DDHD1: variants seen among roughly 807,000 people sequenced by gnomAD.
DDHD1 encodes DDHD domain containing 1, also known as phospholipase DDHD1.
In DDHD1, 49 loss-of-function variants were observed where a neutral mutation model predicts 96.4. The observed-to-expected ratio is 0.51, with a 90% CI of 0.40 to 0.64. DDHD1 has a LOEUF of 0.64. Ranked by LOEUF, DDHD1 falls within the 30% of genes least tolerant of loss-of-function variation. DDHD1 has a pLI of 0.00. For synonymous variants in DDHD1, 442 were observed against 446.5 expected (o/e 0.99, Z 0.13); for missense variants, 1,106 against 1,161.2 (o/e 0.95, Z 0.69).
intron 1 of DDHD1, among the ~76,000 whole-genome samples, chr14:53,117,559 G>T (rs965572523): frequency 6.6e-5 from 10 of 152,166 alleles, no homozygotes; most frequent in Admixed American, 5.2e-4. Flanking sequence ...AACAGTCTGA[G>T]ATCAACCTTT....
In DDHD1 at chr14:53,152,838, C is replaced by G. The variant is rs759583953; in HGVS notation, c.261G>C (p.Glu87Asp). 1 of 1,612,154 alleles carries G rather than the reference C, an allele frequency of 6.2e-7. No homozygotes were observed. Among genetic ancestry groups the G allele is most frequent in the Non-Finnish European group, 8.5e-7 (1 of 1,179,428 alleles). Reference sequence around the variant, plus strand: ...ACTCGGCGGAGCTGAAGTCATAGTTCTCGTCACTGAGGCAGGGGTCCAGCG... The same window carrying G: ...ACTCGGCGGAGCTGAAGTCATAGTTGTCGTCACTGAGGCAGGGGTCCAGCG... ...HLALDPCLSDENYDFSSAESG... is the reference protein window; with the variant it reads ...HLALDPCLSDDNYDFSSAESG... Residue 87 changes from glutamate to aspartate, a missense_variant, in exon 1 of 13, where the codon GAG (glutamate) becomes GAC (aspartate). Physicochemically the swap from Glu to Asp is conservative, Grantham distance 45. This residue lies in a region of DDHD1 where 456 missense variants were observed against 402.4 expected (regional missense o/e 1.13). Coordinates refer to ENST00000673822, the MANE Select transcript of DDHD1 (RefSeq NM_001160148.2).
chr14:53,127,005 CAG>C (rs1165224904), intron 1 of DDHD1, among the ~76,000 whole-genome samples: 3 of 151,780 alleles, frequency 2.0e-5, no homozygotes, highest in Admixed American at 6.6e-5. Flanking sequence ...TAAAAAAGAA[CAG>C]AGAAAAAGGA....
rs144164403 is a variant in DDHD1 at position 53,056,057 on chromosome 14, T to C, written c.1993-145A>G. 6.1e-5 allele frequency: 43 copies of C among 700,306 alleles called. No individual in the cohort carries two copies. In the African/African-American group the frequency reaches 7.4e-4, roughly 12 times the overall value. 43.4% of individuals were successfully genotyped at this position (700,306 alleles called of 1,614,324 possible). ...AAACAATAGCTATTTCAAACATGTA[T>C]TTCTATTTGTTCACTGTTAATATGC... On this transcript the variant is annotated intron_variant, in intron 9 of 12. Transcript: ENST00000673822.
chr14:53,125,056 G>A (rs1239790809), intron 1 of DDHD1, among the ~76,000 whole-genome samples: 1 of 152,034 alleles, frequency 6.6e-6, no homozygotes, highest in Non-Finnish European at 1.5e-5. Flanking sequence ...ACTGGATTAG[G>A]GAAGTTTAGG....
chr14:53,105,561 T>C (rs1213014503), intron 1 of DDHD1, among the ~76,000 whole-genome samples: 1 of 152,186 alleles, frequency 6.6e-6, no homozygotes, highest in Non-Finnish European at 1.5e-5. Flanking sequence ...TCATACTGAA[T>C]AGTTTTTGCC....
At chr14:53,068,265 A>C (rs1348814110) in intron 6 of DDHD1, among the ~76,000 whole-genome samples, 2 of 9,326 alleles carry the variant, frequency 2.1e-4, no homozygotes, top group Non-Finnish European at 4.9e-4. Flanking sequence ...TTTTTTTGAG[A>C]TGGGGTCTTG....
intron 1 of DDHD1, among the ~76,000 whole-genome samples, chr14:53,135,721 G>A (rs1890185063): frequency 6.6e-6 from 1 of 152,230 alleles, no homozygotes; most frequent in African/African-American, 2.4e-5. Context: ...GAGTAAATCA[G>A]TTAAACTGGA....
chr14:53,101,821 A>G (rs1017108763), intron 2 of DDHD1, among the ~76,000 whole-genome samples: 5 of 152,064 alleles, frequency 3.3e-5, no homozygotes, highest in African/African-American at 1.2e-4. Flanking sequence ...ATTAAATTCT[A>G]ATTTTTATTG....
intron 1 of DDHD1, among the ~76,000 whole-genome samples, chr14:53,127,254 G>C (rs893317207): frequency 2.0e-5 from 3 of 152,186 alleles, no homozygotes; most frequent in Non-Finnish European, 4.4e-5. Flanking sequence ...GGCAACCTAA[G>C]CTTCATTATC....
chr14:53,134,416 TACTC>T (rs1419826624), intron 1 of DDHD1, among the ~76,000 whole-genome samples: 2 of 152,046 alleles, frequency 1.3e-5, no homozygotes, highest in Non-Finnish European at 2.9e-5. Flanking sequence ...TTTACTTTTA[TACTC>T]ACTCTTATTT....
At chr14:53,049,519 GAGATC>G (rs1411740645) in intron 12 of DDHD1, among the ~76,000 whole-genome samples, 2 of 152,088 alleles carry the variant, frequency 1.3e-5, no homozygotes. Flanking sequence ...TATGTGCTGT[GAGATC>G]AGCTCTTGGC....
intron 6 of DDHD1, among the ~76,000 whole-genome samples, chr14:53,066,278 A>T (rs1334119376): frequency 6.6e-6 from 1 of 152,056 alleles, no homozygotes; most frequent in African/African-American, 2.4e-5. Context: ...CAGCCTCCTG[A>T]GTAGCTGGGA....
chr14:53,145,831 T>C (rs1011559446), intron 1 of DDHD1, among the ~76,000 whole-genome samples: 1 of 152,228 alleles, frequency 6.6e-6, no homozygotes, highest in Non-Finnish European at 1.5e-5. Flanking sequence ...CCCCCAGCAG[T>C]CATTGAAGAG....
chr14:53,102,661 AAG>A (rs10532921), intron 2 of DDHD1, among the ~76,000 whole-genome samples: 111,689 of 151,776 alleles, frequency 0.74, 43,732 homozygotes, highest in East Asian at 0.96. Context: ...TCAGAGAGGT[AAG>A]AGAGAGCAAA....
chr14:53,146,805 C>CTACA, intron 1 of DDHD1, among the ~76,000 whole-genome samples: 2 of 152,212 alleles, frequency 1.3e-5, no homozygotes, highest in Middle Eastern at 3.4e-3. Flanking sequence ...AAGAGTAGAA[C>CTACA]TGTAGATTAT....
At chr14:53,093,202 AAATTT>A (rs1246663094) in intron 3 of DDHD1, 109 bp downstream of exon 3, 2 of 1,103,050 alleles carry the variant, frequency 1.8e-6, no homozygotes, top group East Asian at 6.1e-5. Flanking sequence ...ATCTGTCACT[AAATTT>A]AATATACTTA....
chr14:53,119,341 C>G (rs979273725), intron 1 of DDHD1, among the ~76,000 whole-genome samples: 3 of 152,120 alleles, frequency 2.0e-5, no homozygotes, highest in Non-Finnish European at 4.4e-5. Flanking sequence ...AATGGGCTAA[C>G]TGCCCCAATC....
At chr14:53,052,775 T>A (rs1882715685) in intron 11 of DDHD1, 1 of 151,996 alleles carries the variant, frequency 6.6e-6, no homozygotes. Flanking sequence ...TGTGTAAGAC[T>A]CATAATTACC....
chr14:53,058,579 C>T lies in DDHD1; in HGVS notation c.1890G>A (p.Ala630=), dbSNP rs546774166. The change falls in exon 9 of 13, where the codon GCG becomes GCA. Residue 630 remains alanine (A), a synonymous_variant. Transcript: ENST00000673822. The part of the protein sequence containing the change: ...CMGSPLAVFL[A]LRGIRPGNTG... ...TATTTCCTGGGCGGATGCCACGCAA[C>T]GCCAAGAAAACTGCTAATGGGGATC... 1.9e-4 allele frequency: 304 copies of T among 1,613,480 alleles called. 2 individuals are homozygous for T. In the South Asian group the frequency reaches 2.9e-3, roughly 15 times the overall value.
Sources: gnomAD v4.1 joint callset for allele counts (sites outside exome capture counted in the v4.1 genomes callset) on GRCh38, gnomAD v4.1.1 for gene constraint, gnomAD v4.1.1 regional missense constraint, MANE v1.5 for transcripts, NCBI Gene and HGNC (gene_info 2026-07-23, HGNC 2026-07-21) for gene names.